RMDN2: variants seen among roughly 807,000 people sequenced by gnomAD.
RMDN2 encodes the protein regulator of microtubule dynamics protein 2.
In RMDN2, 61 loss-of-function variants were observed where a neutral mutation model predicts 52.8. The ratio of observed to expected loss-of-function variants is 1.16; its 90% CI spans 0.94 to 1.43. RMDN2 has a LOEUF of 1.43. Among genes scored for constraint, RMDN2 ranks in the 40% most tolerant of loss-of-function variants. The probability of loss-of-function intolerance (pLI) is 0.00; values close to 1 mark genes in which losing one functional copy is unlikely to be tolerated. For synonymous variants in RMDN2, 180 were observed against 153.1 expected, an observed-to-expected ratio of 1.18 and a Z score of -1.30; for missense variants, 592 against 475.3, an observed-to-expected ratio of 1.25 and a Z score of -2.28.
At chr2:38,055,707 TTGTG>T in intron 10 of RMDN2, among the ~76,000 whole-genome samples, 1 of 152,238 alleles carries the variant, frequency 6.6e-6, no homozygotes, top group African/African-American at 2.4e-5. Context: ...TGTCTCTTAC[TTGTG>T]TGTGTGTCTT....
At chr2:37,986,671 GA>G (rs1266760694) in intron 5 of RMDN2, among the ~76,000 whole-genome samples, 1 of 151,856 alleles carries the variant, frequency 6.6e-6, no homozygotes, top group Non-Finnish European at 1.5e-5. Flanking sequence ...CACCAAAGCA[GA>G]AAAAAATTAC....
chr2:38,004,913 T>C (rs1366379265), intron 10 of RMDN2, among the ~76,000 whole-genome samples: 2 of 152,000 alleles, frequency 1.3e-5, no homozygotes, highest in African/African-American at 4.8e-5. Context: ...GTGTTCTGAT[T>C]GTTCAGTTCC....
Position 38,042,424 on chromosome 2 carries a change from CCA to C in RMDN2, c.1714-24540_1714-24539del, listed in dbSNP as rs1553388802. Among the ~76,000 whole-genome samples, 123 of 100,788 alleles carry C rather than the reference CCA, an allele frequency of 1.2e-3. 1 individual carries two copies. The South Asian group carries it at 0.022, about 18-fold the overall frequency. The allele number at this position is 100,788 out of a possible 152,430, so 66.1% of individuals were successfully genotyped here. Reference sequence around the variant, plus strand: ...CCCGCCACACACACACACACACACACCACACACACACACACACACCACACACA... The same window carrying C: ...CCCGCCACACACACACACACACACACCACACACACACACACACCACACACA... On this transcript the variant is annotated intron_variant, in intron 10 of 10. Transcript: ENST00000234195.
At chr2:37,992,333 C>T (rs1209025013) in intron 7 of RMDN2, among the ~76,000 whole-genome samples, 2 of 152,150 alleles carry the variant, frequency 1.3e-5, no homozygotes, top group East Asian at 3.8e-4. Context: ...GGTATATCAT[C>T]TGTTTTTCTC....
intron 10 of RMDN2, among the ~76,000 whole-genome samples, chr2:38,011,329 T>A (rs1365522510): frequency 6.6e-6 from 1 of 152,234 alleles, no homozygotes; most frequent in Non-Finnish European, 1.5e-5. Flanking sequence ...TTTCAAGCAT[T>A]CCACAGGGTT....
intron 2 of RMDN2, among the ~76,000 whole-genome samples, chr2:37,932,933 C>T (rs1421029840): frequency 6.6e-6 from 1 of 151,218 alleles, no homozygotes; most frequent in Non-Finnish European, 1.5e-5. Context: ...CCACCTCCCT[C>T]CCGGACGAGG....
chr2:37,965,109 G>A (rs923818520), intron 2 of RMDN2, among the ~76,000 whole-genome samples: 3 of 152,002 alleles, frequency 2.0e-5, no homozygotes, highest in African/African-American at 7.2e-5. Context: ...TTCAACATAT[G>A]TGTGTTTTTA....
At chr2:37,942,441 C>G (rs1572721739) in intron 2 of RMDN2, among the ~76,000 whole-genome samples, 1 of 152,258 alleles carries the variant, frequency 6.6e-6, no homozygotes, top group Admixed American at 6.5e-5. Context: ...GGAAGAATTT[C>G]TTGAAAGTAT....
rs554921108 is a variant in RMDN2, at chr2:37,964,474, C to T, written c.453-9566C>T. Among the ~76,000 whole-genome samples, 5 of 152,290 alleles carry T rather than the reference C, an allele frequency of 3.3e-5. No homozygotes were observed. The South Asian group carries it at 1.0e-3, about 32-fold the overall frequency. Reference sequence around the variant, plus strand: ...TTAAAAGTATGTTTTTTAATTCTCACATATTTATGGATTTTCCAGTTTTTC... The same window carrying T: ...TTAAAAGTATGTTTTTTAATTCTCATATATTTATGGATTTTCCAGTTTTTC... On this transcript the variant is annotated intron_variant, in intron 2 of 10. Coordinates refer to ENST00000354545, the MANE Select transcript of RMDN2 (RefSeq NM_001170791.3).
rs1383998401 is a variant in RMDN2, at chr2:38,045,400, G to A, written c.1714-21582G>A. On this transcript the variant is annotated intron_variant, in intron 10 of 10. Transcript: ENST00000234195. The stretch of plus-strand genomic sequence containing the variant: ...AACTGCTGCACAAATGTAGGCTCCT[G>A]TTATACATATTAGATTTATAAATTC... Among the ~76,000 whole-genome samples, 4 of 152,146 alleles carry A rather than the reference G, an allele frequency of 2.6e-5. No individual in the cohort carries two copies. In the South Asian group the frequency reaches 8.3e-4, roughly 32 times the overall value.
rs577649082 is a variant in RMDN2, at chr2:38,065,139, T to C, written c.1714-1843T>C. Among the ~76,000 whole-genome samples, 16 of 152,176 alleles carry C rather than the reference T, an allele frequency of 1.1e-4. No homozygotes were observed. The East Asian group carries it at 3.1e-3, about 29-fold the overall frequency. ...GGATAGAAAAAATGTGGTGGATAAG[T>C]ACCATGGAATACTAGGCAGCAGCTA... On this transcript the variant is annotated intron_variant, in intron 10 of 10. Transcript: ENST00000234195.
At chr2:38,038,244 A>G (rs893029665) in intron 10 of RMDN2, among the ~76,000 whole-genome samples, 1 of 152,034 alleles carries the variant, frequency 6.6e-6, no homozygotes, top group Non-Finnish European at 1.5e-5. Flanking sequence ...TCCTGGAGGG[A>G]GCGCAGCGCC....
intron 10 of RMDN2, among the ~76,000 whole-genome samples, chr2:38,012,115 C>T (rs933591440): frequency 1.3e-5 from 2 of 152,188 alleles, no homozygotes; most frequent in Non-Finnish European, 2.9e-5. Context: ...CTCTCCTCTG[C>T]ACCACCCAGC....
At chr2:37,946,627 C>G (rs1668243546) in intron 2 of RMDN2, among the ~76,000 whole-genome samples, 1 of 152,108 alleles carries the variant, frequency 6.6e-6, no homozygotes, top group African/African-American at 2.4e-5. Context: ...AGGGAATTAA[C>G]TAGAAACATG....
chr2:37,941,793 C>T (rs773148081), intron 2 of RMDN2, among the ~76,000 whole-genome samples: 1 of 152,118 alleles, frequency 6.6e-6, no homozygotes, highest in Non-Finnish European at 1.5e-5. Flanking sequence ...GTGCTGTCAG[C>T]GAGAATTTCC....
At chr2:38,056,966 C>A (rs1034675308) in intron 10 of RMDN2, among the ~76,000 whole-genome samples, 7 of 152,154 alleles carry the variant, frequency 4.6e-5, no homozygotes, top group Non-Finnish European at 1.0e-4. Flanking sequence ...TGACCTGTTT[C>A]TGCTTCCTAG....
chr2:37,957,272 A>G (rs190537258), intron 2 of RMDN2, among the ~76,000 whole-genome samples: 1 of 152,336 alleles, frequency 6.6e-6, no homozygotes, highest in East Asian at 1.9e-4. Context: ...CACTCCCACC[A>G]ACAGTGTGAA....
chr2:37,929,806 G>T, intron 2 of RMDN2, 77 bp downstream of exon 2: 1 of 975,926 alleles, frequency 1.0e-6, no homozygotes, highest in Non-Finnish European at 1.5e-6. Context: ...TTTCATTATG[G>T]GTTCCAGTCA....
At chr2:38,020,013 G>A (rs564858758), downstream of RMDN2, among the ~76,000 whole-genome samples, 76 of 152,050 alleles carry the variant, frequency 5.0e-4, no homozygotes, top group Admixed American at 2.6e-3. Flanking sequence ...CTAAAAAACC[G>A]TGAACAGGAC....
Sources: allele counts gnomAD v4.1 joint callset (sites outside exome capture counted in the v4.1 genomes callset), GRCh38; gene constraint gnomAD v4.1.1; transcripts MANE v1.5; gene names NCBI Gene and HGNC (gene_info 2026-07-23, HGNC 2026-07-21).